SLC35F3: variants seen among roughly 807,000 people sequenced by gnomAD.
SLC35F3 encodes the protein solute carrier family 35 member F3.
Under a neutral mutation model 49.9 loss-of-function variants are expected in SLC35F3, and 25 were observed. The observed-to-expected ratio is 0.50, with a 90% CI of 0.37 to 0.70. The LOEUF is 0.70. Among genes scored for constraint, SLC35F3 ranks in the 30% least tolerant of loss-of-function variants. SLC35F3 has a pLI of 0.00. For missense variants in SLC35F3, 525 were observed against 639.8 expected (o/e 0.82, Z 1.94); for synonymous variants, 275 against 265.4 (o/e 1.04, Z -0.35).
intron 2 of SLC35F3, among the ~76,000 whole-genome samples, chr1:234,183,354 G>A (rs1390148896): frequency 7.0e-6 from 1 of 143,100 alleles, no homozygotes; most frequent in Non-Finnish European, 1.5e-5. Flanking sequence ...TATTTTTATA[G>A]AATCATCTTT....
At chr1:234,096,076 T>C (rs912541872) in intron 2 of SLC35F3, among the ~76,000 whole-genome samples, 2 of 152,252 alleles carry the variant, frequency 1.3e-5, no homozygotes. Flanking sequence ...CTTATGTTTA[T>C]CAAAGCAGGC....
intron 2 of SLC35F3, among the ~76,000 whole-genome samples, chr1:234,000,000 T>C (rs1353607173): frequency 6.6e-6 from 1 of 152,168 alleles, no homozygotes; most frequent in Admixed American, 6.5e-5. Flanking sequence ...TCGCACAATA[T>C]GACAATGTTC....
chr1:234,137,047 A>G lies in SLC35F3; in HGVS notation c.284-94370A>G, dbSNP rs551087557. On this transcript the variant is annotated intron_variant, in intron 2 of 7. Coordinates refer to ENST00000366618, the MANE Select transcript of SLC35F3 (RefSeq NM_173508.4). ...GAGTTGATGAAATGAATTAGTAGACATGGCTCCAGCTTTAGGGACTGGAAG... is the reference window on the plus strand; with the variant it reads ...GAGTTGATGAAATGAATTAGTAGACGTGGCTCCAGCTTTAGGGACTGGAAG... 3.3e-5 allele frequency among the ~76,000 whole-genome samples: 5 copies of G among 152,350 alleles called. No individual in the cohort carries two copies. The South Asian group carries it at 1.0e-3, about 32-fold the overall frequency.
At chr1:234,140,353 A>T (rs1174168720) in intron 2 of SLC35F3, among the ~76,000 whole-genome samples, 1 of 152,252 alleles carries the variant, frequency 6.6e-6, no homozygotes, top group Non-Finnish European at 1.5e-5. Context: ...ATATATTCAC[A>T]TAAATTTTAT....
At chr1:234,082,468 G>A (rs1337623573) in intron 2 of SLC35F3, among the ~76,000 whole-genome samples, 2 of 152,104 alleles carry the variant, frequency 1.3e-5, no homozygotes, top group South Asian at 2.1e-4. Flanking sequence ...CATTCTGCTT[G>A]TTTTCATTCC....
intron 3 of SLC35F3, among the ~76,000 whole-genome samples, chr1:234,294,222 G>A (rs571805): frequency 0.2 from 30,949 of 152,066 alleles, 3,599 homozygotes; most frequent in African/African-American, 0.32. Context: ...ACCCAGGGAG[G>A]CAGGTTCCTT....
rs1027931253 is a variant in SLC35F3, at chr1:234,176,095, A to G, written c.284-55322A>G. Among the ~76,000 whole-genome samples, 4 of 152,194 alleles carry G rather than the reference A, an allele frequency of 2.6e-5. 1 individual carries two copies. Among genetic ancestry groups the G allele is most frequent in the Admixed American group, 2.0e-4 (3 of 15,282 alleles). On this transcript the variant is annotated intron_variant, in intron 2 of 7. Transcript: ENST00000366618. ...TCTTCTGAGGATCAGAAGGCAGAGC[A>G]TGGGACATCCCTTTTTTCTGGGACA...
intron 5 of SLC35F3, among the ~76,000 whole-genome samples, chr1:234,318,348 C>A (rs1657539243): frequency 6.6e-6 from 1 of 152,222 alleles, no homozygotes. Context: ...CAGAACGTAT[C>A]TTTGCAGCCA....
At position 234,324,049 on chromosome 1, in the gene SLC35F3, C is replaced by T. The variant is rs1339529344; in HGVS notation, c.*806C>T. The T allele has an allele frequency of 1.3e-5, 2 of 152,170 alleles. No individual in the cohort carries two copies. The highest frequency in any genetic ancestry group is 1.3e-4 in the Admixed American group (2 of 15,276). 9.4% of individuals were successfully genotyped at this position (152,170 alleles called of 1,614,324 possible). ...CTCTATATATGTGTATGTCTGTGTACAAAAAAATGACAGAGCTGATGGCCA... is the reference window on the plus strand; with the variant it reads ...CTCTATATATGTGTATGTCTGTGTATAAAAAAATGACAGAGCTGATGGCCA... On this transcript the variant is annotated 3_prime_UTR_variant, in exon 8 of 8. Coordinates refer to ENST00000366618, the MANE Select transcript of SLC35F3 (RefSeq NM_173508.4).
Position 234,165,038 on chromosome 1 carries a change from TTGTGTGTGTGTGTG to T in SLC35F3, c.284-66345_284-66332del, listed in dbSNP as rs58676109. ...TGGTCAGCTTACCTCTAGCTTCAAT[TTGTGTGTGTGTGTG>T]TGTGTGTGTGTGTGTGTGTGTGTGT... On this transcript the variant is annotated intron_variant, in intron 2 of 7. Transcript: ENST00000366618. 3.5e-3 allele frequency among the ~76,000 whole-genome samples: 478 copies of T among 137,880 alleles called. 4 individuals carry two copies. The highest frequency in any genetic ancestry group is 0.011 in the African/African-American group (411 of 36,502). 90.5% of individuals were successfully genotyped at this position (137,880 alleles called of 152,430 possible).
At chr1:234,135,060 A>G (rs913284787) in intron 2 of SLC35F3, among the ~76,000 whole-genome samples, 4 of 152,144 alleles carry the variant, frequency 2.6e-5, no homozygotes, top group Non-Finnish European at 5.9e-5. Flanking sequence ...GCAAGAACCA[A>G]CAAGACAGAG....
chr1:234,048,105 C>A (rs1352947865), intron 2 of SLC35F3, among the ~76,000 whole-genome samples: 3 of 151,978 alleles, frequency 2.0e-5, no homozygotes, highest in African/African-American at 7.2e-5. Flanking sequence ...AACTTAGTTG[C>A]AAGCAACTAA....
intron 2 of SLC35F3, among the ~76,000 whole-genome samples, chr1:234,171,331 T>G (rs922935864): frequency 1.8e-4 from 28 of 152,128 alleles, no homozygotes; most frequent in African/African-American, 6.3e-4. Context: ...GACACAGGGA[T>G]TTTTCAAAAC....
chr1:234,236,688 A>T (rs677816), intron 3 of SLC35F3, among the ~76,000 whole-genome samples: 61 of 151,976 alleles, frequency 4.0e-4, no homozygotes, highest in Non-Finnish European at 7.2e-4. Context: ...GAGGAGTTTC[A>T]CTTCCAGTGT....
At chr1:234,047,484 G>A (rs1664308319) in intron 2 of SLC35F3, among the ~76,000 whole-genome samples, 3 of 152,146 alleles carry the variant, frequency 2.0e-5, no homozygotes, top group South Asian at 2.1e-4. Flanking sequence ...GCTTCAGCTG[G>A]GATAACAGCT....
chr1:233,988,470 C>G (rs1370505976), intron 2 of SLC35F3, among the ~76,000 whole-genome samples: 1 of 152,170 alleles, frequency 6.6e-6, no homozygotes, highest in Non-Finnish European at 1.5e-5. Flanking sequence ...ATCAGTTCCC[C>G]TATTGTCAAC....
At chr1:234,106,853 A>G (rs980655157) in intron 2 of SLC35F3, among the ~76,000 whole-genome samples, 1 of 152,226 alleles carries the variant, frequency 6.6e-6, no homozygotes, top group Non-Finnish European at 1.5e-5. Context: ...GAGGACGGCC[A>G]AGTGGCAGAA....
intron 2 of SLC35F3, among the ~76,000 whole-genome samples, chr1:234,107,976 A>T (rs1433680858): frequency 6.6e-6 from 1 of 151,806 alleles, no homozygotes; most frequent in African/African-American, 2.4e-5. Context: ...ATTAGCAGTC[A>T]GCTATGTCTG....
At chr1:233,939,180 A>G (rs1300683918) in intron 2 of SLC35F3, among the ~76,000 whole-genome samples, 1 of 152,230 alleles carries the variant, frequency 6.6e-6, no homozygotes, top group Non-Finnish European at 1.5e-5. Flanking sequence ...GGCCAGGTGC[A>G]GTGGCTTACT....
Sources: allele counts gnomAD v4.1 joint callset (sites outside exome capture counted in the v4.1 genomes callset), GRCh38; gene constraint gnomAD v4.1.1; transcripts MANE v1.5; gene names NCBI Gene and HGNC (gene_info 2026-07-23, HGNC 2026-07-21).